The following ROBO1 variants were observed in gnomAD, a reference collection of about 807,000 sequenced individuals.
ROBO1 encodes roundabout homolog 1.
In ROBO1, 149 loss-of-function variants were observed where a neutral mutation model predicts 195.9. That is an observed-to-expected ratio of 0.76 (90% CI 0.67 to 0.87). The LOEUF is 0.87. Among genes scored for constraint, ROBO1 ranks in the 40% least tolerant of loss-of-function variants. The pLI is 0.00. For synonymous variants in ROBO1, 816 were observed against 733.2 expected, an observed-to-expected ratio of 1.11 and a Z score of -1.82; for missense variants, 1,933 against 2,068.3, an observed-to-expected ratio of 0.93 and a Z score of 1.27.
chr3:78,774,118 T>G (rs572325163), intron 4 of ROBO1, among the ~76,000 whole-genome samples: 1 of 152,326 alleles, frequency 6.6e-6, no homozygotes, highest in South Asian at 2.1e-4. Context: ...GCAGGATATG[T>G]GAAATTCCTC....
intron 4 of ROBO1, among the ~76,000 whole-genome samples, chr3:78,852,050 A>G (rs2034101048): frequency 6.6e-6 from 1 of 152,092 alleles, no homozygotes; most frequent in South Asian, 2.1e-4. Flanking sequence ...AAACACATTA[A>G]ATAATGTGTA....
chr3:78,952,395 G>GA (rs2040837517), intron 3 of ROBO1, among the ~76,000 whole-genome samples: 3 of 150,404 alleles, frequency 2.0e-5, no homozygotes, highest in African/African-American at 7.3e-5. Flanking sequence ...TTTATATATA[G>GA]GTTCAAACCT....
At chr3:78,615,126 TAAAC>T (rs1291470078) in intron 27 of ROBO1, among the ~76,000 whole-genome samples, 2 of 152,196 alleles carry the variant, frequency 1.3e-5, no homozygotes, top group Non-Finnish European at 1.5e-5. Flanking sequence ...ACGTTATACT[TAAAC>T]AAAAAATAGT....
chr3:78,678,081 G>A (rs1247212898), intron 10 of ROBO1, among the ~76,000 whole-genome samples: 19 of 152,100 alleles, frequency 1.2e-4, no homozygotes, highest in Non-Finnish European at 2.1e-4. Context: ...ACTACTGGGT[G>A]CATAACGAAA....
At chr3:79,142,511 T>C (rs949728295) in intron 2 of ROBO1, among the ~76,000 whole-genome samples, 4 of 152,178 alleles carry the variant, frequency 2.6e-5, no homozygotes, top group Non-Finnish European at 4.4e-5. Flanking sequence ...CATAATACAC[T>C]TAATTGTATT....
At chr3:79,566,117 G>A (rs537644141) in intron 2 of ROBO1, among the ~76,000 whole-genome samples, 14 of 152,142 alleles carry the variant, frequency 9.2e-5, no homozygotes, top group African/African-American at 3.4e-4. Flanking sequence ...ATTTGGCTTT[G>A]AATTTTCTTC....
intron 2 of ROBO1, among the ~76,000 whole-genome samples, chr3:79,258,180 ACTT>A (rs1404883835): frequency 6.6e-6 from 1 of 152,094 alleles, no homozygotes; most frequent in Non-Finnish European, 1.5e-5. Context: ...CCCTTGCTAC[ACTT>A]CTTACACCTA....
At chr3:79,039,065 T>C (rs1559612730) in intron 3 of ROBO1, among the ~76,000 whole-genome samples, 1 of 152,178 alleles carries the variant, frequency 6.6e-6, no homozygotes, top group Non-Finnish European at 1.5e-5. Context: ...GGAAGAACGA[T>C]GATTGAAGAC....
chr3:79,242,393 T>A (rs1460224689), intron 2 of ROBO1, among the ~76,000 whole-genome samples: 1 of 152,164 alleles, frequency 6.6e-6, no homozygotes. Flanking sequence ...CTATATATAA[T>A]ATTTGCATCC....
chr3:78,996,111 C>T (rs1238119623), intron 3 of ROBO1, among the ~76,000 whole-genome samples: 1 of 151,906 alleles, frequency 6.6e-6, no homozygotes, highest in East Asian at 1.9e-4. Flanking sequence ...ATATGTTACC[C>T]CAATATTTTT....
At chr3:78,751,397 A>G (rs2082793034) in intron 4 of ROBO1, among the ~76,000 whole-genome samples, 1 of 152,136 alleles carries the variant, frequency 6.6e-6, no homozygotes. Flanking sequence ...TTAGTAAGTA[A>G]CAATTCATTT....
chr3:79,040,192 T>A (rs553017353), intron 3 of ROBO1, among the ~76,000 whole-genome samples: 1 of 152,318 alleles, frequency 6.6e-6, no homozygotes, highest in African/African-American at 2.4e-5. Flanking sequence ...CGACAAGAGA[T>A]AAAGATTCGC....
chr3:78,598,878 T>A lies in ROBO1; in HGVS notation c.*35A>T. On this transcript the variant is annotated 3_prime_UTR_variant, in exon 31 of 31. Coordinates refer to ENST00000464233, the MANE Select transcript of ROBO1 (RefSeq NM_002941.4). Reference sequence around the variant, plus strand: ...GACAGGAGGCATCTTGAGTGATGATTTTCACATTAGATCTCATAAGCCTCT... The same window carrying A: ...GACAGGAGGCATCTTGAGTGATGATATTCACATTAGATCTCATAAGCCTCT... 1 of 1,490,826 alleles carries A rather than the reference T, an allele frequency of 6.7e-7. No homozygotes were observed. Among genetic ancestry groups the A allele is most frequent in the Non-Finnish European group, 9.1e-7 (1 of 1,093,972 alleles). The allele number at this position is 1,490,826 out of a possible 1,614,324, so 92.3% of individuals were successfully genotyped here.
At chr3:78,694,302 CAAAT>C (rs1025416873) in intron 8 of ROBO1, among the ~76,000 whole-genome samples, 3 of 152,072 alleles carry the variant, frequency 2.0e-5, no homozygotes, top group African/African-American at 4.8e-5. Flanking sequence ...ATATTTTACT[CAAAT>C]AAATAACTTC....
At chr3:78,613,923 T>A (rs1292478989) in intron 28 of ROBO1, among the ~76,000 whole-genome samples, 1 of 152,238 alleles carries the variant, frequency 6.6e-6, no homozygotes, top group Non-Finnish European at 1.5e-5. Flanking sequence ...TTAGCAAATG[T>A]AGCAAACTTG....
intron 3 of ROBO1, among the ~76,000 whole-genome samples, chr3:78,947,270 G>A (rs1576449566): frequency 6.6e-6 from 1 of 152,116 alleles, no homozygotes; most frequent in African/African-American, 2.4e-5. Flanking sequence ...CACATAGTAG[G>A]AAGTAAAGCA....
rs144087563 is a variant in ROBO1, at chr3:79,377,763, T to A, written c.88+212061A>T. Among the ~76,000 whole-genome samples the A allele has an allele frequency of 3.4e-3, 519 of 152,324 alleles. 2 individuals are homozygous for A. Among genetic ancestry groups the A allele is most frequent in the African/African-American group, 0.012 (496 of 41,580 alleles). On this transcript the variant is annotated intron_variant, in intron 2 of 30. Coordinates refer to ENST00000464233, the MANE Select transcript of ROBO1 (RefSeq NM_002941.4). ...TCTCTAGCTAGAGCCTAACTGCTCA[T>A]GTTTTGTGCATTCCAGCCACCCTTT... is the stretch of plus-strand genomic sequence containing the variant.
chr3:79,154,457 TATG>T (rs1559698516), intron 2 of ROBO1, among the ~76,000 whole-genome samples: 2 of 151,772 alleles, frequency 1.3e-5, no homozygotes, highest in Non-Finnish European at 2.9e-5. Flanking sequence ...TTGCATTTCA[TATG>T]AGAGAGATGA....
At chr3:79,451,274 G>C (rs1343881057) in intron 2 of ROBO1, among the ~76,000 whole-genome samples, 1 of 152,012 alleles carries the variant, frequency 6.6e-6, no homozygotes, top group East Asian at 1.9e-4. Context: ...TCATTAATAA[G>C]CAGCTTGACT....
Sources: allele counts gnomAD v4.1 joint callset (sites outside exome capture counted in the v4.1 genomes callset), GRCh38; gene constraint gnomAD v4.1.1; transcripts MANE v1.5; gene names NCBI Gene and HGNC (gene_info 2026-07-23, HGNC 2026-07-21).